Variants in FGGY observed in about 807,000 individuals in gnomAD.
The protein encoded by FGGY is FGGY carbohydrate kinase domain containing, also known as FGGY carbohydrate kinase domain-containing protein.
FGGY carries 72 observed loss-of-function variants against 71.3 expected under a neutral mutation model. The ratio of observed to expected loss-of-function variants is 1.01; its 90% CI spans 0.84 to 1.23. The LOEUF (loss-of-function observed/expected upper bound fraction) is 1.23, where lower values mean the gene tolerates loss of function less well. FGGY is among the 50% of genes most tolerant of loss of function. The probability of loss-of-function intolerance (pLI) is 0.00; values close to 1 mark genes in which losing one functional copy is unlikely to be tolerated. For missense variants in FGGY, 668 were observed against 682.3 expected (o/e 0.98, Z 0.23); for synonymous variants, 251 against 250.3 (o/e 1.00, Z -0.02).
Position 59,365,715 on chromosome 1 carries a change from C to T in FGGY, c.466-13034C>T, listed in dbSNP as rs1040985310. On this transcript the variant is annotated intron_variant, in intron 4 of 15. Coordinates refer to ENST00000303721, the MANE Select transcript of FGGY (RefSeq NM_018291.5). Reference sequence around the variant, plus strand: ...ATAATCTGCAAGCATAGTTTTCTGACTCCTTGCCTTGCCTGCCTTGAAGAA... The same window carrying T: ...ATAATCTGCAAGCATAGTTTTCTGATTCCTTGCCTTGCCTGCCTTGAAGAA... 6.6e-5 allele frequency among the ~76,000 whole-genome samples: 10 copies of T among 152,206 alleles called. No individual in the cohort carries two copies. The East Asian group carries it at 1.9e-3, about 29-fold the overall frequency.
At chr1:59,447,895 G>T (rs181769063) in intron 5 of FGGY, among the ~76,000 whole-genome samples, 1 of 152,264 alleles carries the variant, frequency 6.6e-6, no homozygotes, top group East Asian at 1.9e-4. Flanking sequence ...CTTTTCTTCC[G>T]TAGTGTGGGA....
intron 7 of FGGY, among the ~76,000 whole-genome samples, chr1:59,538,883 A>G (rs2095389199): frequency 6.6e-6 from 1 of 151,214 alleles, no homozygotes; most frequent in Non-Finnish European, 1.5e-5. Flanking sequence ...ATTGGGAGAT[A>G]TACCTAATGC....
chr1:59,732,762 T>C (rs1250105910), intron 14 of FGGY, among the ~76,000 whole-genome samples: 1 of 151,992 alleles, frequency 6.6e-6, no homozygotes, highest in Non-Finnish European at 1.5e-5. Flanking sequence ...CACTGCGGTA[T>C]CTCCTAACTG....
intron 14 of FGGY, among the ~76,000 whole-genome samples, chr1:59,707,384 G>A (rs564563712): frequency 1.3e-5 from 2 of 152,274 alleles, no homozygotes; most frequent in Non-Finnish European, 1.5e-5. Flanking sequence ...ATGACTCAGA[G>A]GCCAAGCTGT....
chr1:59,492,278 G>T (rs1171407566), intron 6 of FGGY, among the ~76,000 whole-genome samples: 1 of 151,896 alleles, frequency 6.6e-6, no homozygotes, highest in Non-Finnish European at 1.5e-5. Flanking sequence ...TCATATTAGG[G>T]GCTCTCTTCA....
At chr1:59,754,162 T>G (rs664762) in intron 14 of FGGY, among the ~76,000 whole-genome samples, 130,620 of 152,214 alleles carry the variant, frequency 0.86, 56,422 homozygotes, top group African/African-American at 0.96. Context: ...GTGTAGGAAA[T>G]TTCTTATCTG....
At chr1:59,422,976 T>C (rs965699122) in intron 5 of FGGY, among the ~76,000 whole-genome samples, 1 of 152,140 alleles carries the variant, frequency 6.6e-6, no homozygotes. Flanking sequence ...TAGAGTCACA[T>C]AGTAAACACG....
At chr1:59,647,910 C>A (rs2097112780) in intron 11 of FGGY, among the ~76,000 whole-genome samples, 1 of 98,146 alleles carries the variant, frequency 1.0e-5, no homozygotes, top group African/African-American at 4.0e-5. Flanking sequence ...CCCCCCACCC[C>A]ACCACAGTCC....
chr1:59,447,284 T>C (rs1275801747), intron 5 of FGGY, among the ~76,000 whole-genome samples: 1 of 152,216 alleles, frequency 6.6e-6, no homozygotes, highest in African/African-American at 2.4e-5. Flanking sequence ...ATTTTCTCTA[T>C]ACCTTCTGCT....
At chr1:59,547,394 A>G (rs1011092737) in intron 7 of FGGY, among the ~76,000 whole-genome samples, 1 of 152,184 alleles carries the variant, frequency 6.6e-6, no homozygotes, top group African/African-American at 2.4e-5. Context: ...GAGTTCTTGT[A>G]AGTAGTTGAA....
chr1:59,732,006 A>G lies in FGGY; in HGVS notation c.1513-25925A>G, dbSNP rs2098037570. Among the ~76,000 whole-genome samples, 3 of 152,154 alleles carry G rather than the reference A, an allele frequency of 2.0e-5. No individual in the cohort carries two copies. The South Asian group carries it at 6.2e-4, about 32-fold the overall frequency. On this transcript the variant is annotated intron_variant, in intron 14 of 15. Transcript: ENST00000303721. ...GCACAGAGTAGCATCAGCCTCACCGAGCCTCAGTTTCCTCATCTGTAAAAT... is the reference window on the plus strand; with the variant it reads ...GCACAGAGTAGCATCAGCCTCACCGGGCCTCAGTTTCCTCATCTGTAAAAT...
chr1:59,712,224 C>A (rs915244307), intron 14 of FGGY, among the ~76,000 whole-genome samples: 22 of 152,220 alleles, frequency 1.4e-4, no homozygotes, highest in African/African-American at 5.3e-4. Flanking sequence ...CTGTGTCTCA[C>A]ATCCAGGTCA....
chr1:59,365,158 T>C (rs2056359172), intron 4 of FGGY, among the ~76,000 whole-genome samples: 1 of 152,110 alleles, frequency 6.6e-6, no homozygotes, highest in Non-Finnish European at 1.5e-5. Flanking sequence ...GTGTAGTTGG[T>C]TGGAATCACA....
intron 11 of FGGY, among the ~76,000 whole-genome samples, chr1:59,646,942 T>G (rs552989496): frequency 1.6e-4 from 25 of 152,372 alleles, no homozygotes; most frequent in Non-Finnish European, 2.9e-4. Context: ...CTTTTTCATT[T>G]TAATGACTTT....
chr1:59,375,095 A>AT (rs1389333532), intron 4 of FGGY, among the ~76,000 whole-genome samples: 1 of 141,088 alleles, frequency 7.1e-6, no homozygotes, highest in African/African-American at 2.7e-5. Flanking sequence ...CCTAGTTTTC[A>AT]TCAAAAAAAA....
chr1:59,699,709 A>G (rs2097694174), intron 14 of FGGY, among the ~76,000 whole-genome samples: 1 of 152,220 alleles, frequency 6.6e-6, no homozygotes, highest in Non-Finnish European at 1.5e-5. Flanking sequence ...AAAGTTATTG[A>G]TAAAACAACA....
rs1269132663 is a variant in FGGY at position 59,721,712 on chromosome 1, G to A, written c.1513-36219G>A. Reference sequence around the variant, plus strand: ...CATCTTACATTAGTATGGTGCGTTCGTTACAATTAATGAACCAGTATTGAT... The same window carrying A: ...CATCTTACATTAGTATGGTGCGTTCATTACAATTAATGAACCAGTATTGAT... On this transcript the variant is annotated intron_variant, in intron 14 of 15. Coordinates refer to ENST00000303721, the MANE Select transcript of FGGY (RefSeq NM_018291.5). Among the ~76,000 whole-genome samples, 12 of 152,106 alleles carry A rather than the reference G, an allele frequency of 7.9e-5. 1 individual carries two copies. Among genetic ancestry groups the A allele is most frequent in the South Asian group, 6.2e-4 (3 of 4,826 alleles).
intron 1 of FGGY, among the ~76,000 whole-genome samples, chr1:59,318,146 C>T (rs773408161): frequency 1.3e-5 from 2 of 152,172 alleles, no homozygotes; most frequent in Non-Finnish European, 2.9e-5. Flanking sequence ...CATACTGGAG[C>T]AAGTTACTTT....
rs1228310428 is a variant in FGGY, at chr1:59,668,821, A to G, written c.1417+1418A>G. ...AATATGGAGAAACCCCATCTCTACT[A>G]AAAATACAAAAAAAAAAAAATTAGC... On this transcript the variant is annotated intron_variant, in intron 13 of 15. Coordinates refer to ENST00000303721, the MANE Select transcript of FGGY (RefSeq NM_018291.5). 2.0e-5 allele frequency among the ~76,000 whole-genome samples: 3 copies of G among 151,760 alleles called. No homozygotes were observed. The East Asian group carries it at 5.8e-4, about 29-fold the overall frequency.
Sources: gnomAD v4.1 joint callset for allele counts (sites outside exome capture counted in the v4.1 genomes callset) on GRCh38, gnomAD v4.1.1 for gene constraint, MANE v1.5 for transcripts, NCBI Gene and HGNC (gene_info 2026-07-23, HGNC 2026-07-21) for gene names.